The following RNPC3 variants were observed in gnomAD, a reference collection of about 807,000 sequenced individuals.
RNPC3 encodes the protein RNA binding region (RNP1, RRM) containing 3, also known as RNA-binding region-containing protein 3.
A neutral mutation model predicts 67.5 loss-of-function variants in RNPC3; 48 were observed. That is an observed-to-expected ratio of 0.71 (90% CI 0.56 to 0.90). The LOEUF is 0.90. Among genes scored for constraint, RNPC3 ranks in the 40% least tolerant of loss-of-function variants. RNPC3 has a pLI of 0.00. For synonymous variants in RNPC3, 239 were observed against 210.3 expected, an observed-to-expected ratio of 1.14 and a Z score of -1.18; for missense variants, 637 against 626.1, an observed-to-expected ratio of 1.02 and a Z score of -0.19.
intron 2 of RNPC3, among the ~76,000 whole-genome samples, chr1:103,529,589 A>G (rs1366274796): frequency 6.6e-6 from 1 of 152,166 alleles, no homozygotes; most frequent in African/African-American, 2.4e-5. Flanking sequence ...CTTTGAAAAT[A>G]AGAACATATG....
chr1:103,539,941 C>T (rs978703564), intron 7 of RNPC3, among the ~76,000 whole-genome samples: 1 of 152,146 alleles, frequency 6.6e-6, no homozygotes, highest in African/African-American at 2.4e-5. Flanking sequence ...TGGCTTACTG[C>T]ATATTCAACC....
intron 14 of RNPC3, chr1:103,552,365 A>G (rs556088369): frequency 1.3e-5 from 2 of 152,288 alleles, no homozygotes; most frequent in East Asian, 3.9e-4. Flanking sequence ...CCACAGCTTG[A>G]AAACTCCTGG....
chr1:103,533,192 A>G (rs375701180), intron 2 of RNPC3, among the ~76,000 whole-genome samples: 1 of 152,062 alleles, frequency 6.6e-6, no homozygotes, highest in Admixed American at 6.6e-5. Context: ...AACAGATAGC[A>G]TGCATATGCT....
chr1:103,533,851 A>AG lies in RNPC3; in HGVS notation c.353_354insG (p.Arg120LysfsTer3). The AG allele has an allele frequency of 6.9e-7, 1 of 1,447,068 alleles. No homozygotes were observed. The highest frequency in any genetic ancestry group is 2.5e-5 in the East Asian group (1 of 40,554). 89.6% of individuals were successfully genotyped at this position (1,447,068 alleles called of 1,614,324 possible). On this transcript the variant is annotated frameshift_variant, in exon 3 of 15. Coordinates refer to ENST00000423855, the MANE Select transcript of RNPC3 (RefSeq NM_017619.4). LOFTEE classifies it high-confidence loss of function. ...TGTCCCACTTCAGGCTCTGAAAAAAAAAAAAGGTATGTAGATCAGTAAATC... is the reference window on the plus strand; with the variant it reads ...TGTCCCACTTCAGGCTCTGAAAAAAAGAAAAAGGTATGTAGATCAGTAAATC...
chr1:103,534,912 T>A, intron 4 of RNPC3, 55 bp downstream of exon 4: 2 of 992,740 alleles, frequency 2.0e-6, no homozygotes, highest in Non-Finnish European at 2.9e-6. Flanking sequence ...TATACAGATG[T>A]ACAGATATCT....
chr1:103,542,067 T>C (rs1651135835), intron 8 of RNPC3, among the ~76,000 whole-genome samples: 1 of 152,170 alleles, frequency 6.6e-6, no homozygotes, highest in South Asian at 2.1e-4. Context: ...AGCATGCTTT[T>C]AAAGTTTAAT....
At chr1:103,549,940 G>A (rs1486748573) in intron 12 of RNPC3, among the ~76,000 whole-genome samples, 2 of 151,010 alleles carry the variant, frequency 1.3e-5, no homozygotes, top group Non-Finnish European at 3.0e-5. Flanking sequence ...AAGCGGGGGG[G>A]ATCACTTGAG....
chr1:103,543,491 G>T, intron 9 of RNPC3, 44 bp downstream of exon 9: 1 of 1,293,310 alleles, frequency 7.7e-7, no homozygotes, highest in Non-Finnish European at 1.0e-6. Context: ...TCAACTTATT[G>T]TGTTAGAATT....
chr1:103,547,105 A>G, intron 12 of RNPC3, 70 bp downstream of exon 12: 1 of 832,516 alleles, frequency 1.2e-6, no homozygotes, highest in Non-Finnish European at 1.8e-6. Context: ...CCACTATTTT[A>G]ATCCCATCAT....
chr1:103,537,422 G>C lies in RNPC3; in HGVS notation c.705G>C (p.Glu235Asp), dbSNP rs573258565. ...CTGAGGAACCTCCTTTGCCAGACGA[G>C]GATGAGGAATTATCTAGTGAAGAAT... ...QPPEEPPLPD[E>D]DEELSSEESE... is the part of the protein sequence containing the mutation. The change falls in exon 7 of 15, where the codon GAG becomes GAC. Residue 235 changes from glutamate (E) to aspartate (D), a missense_variant. Around this residue, in one of 3 missense-constraint regions of RNPC3, gnomAD observed 536 missense variants for 500.3 expected, o/e 1.07. Coordinates refer to ENST00000423855, the MANE Select transcript of RNPC3 (RefSeq NM_017619.4). The C allele has an allele frequency of 2.0e-6, 3 of 1,536,592 alleles. No homozygotes were observed. The highest frequency in any genetic ancestry group is 2.6e-6 in the Non-Finnish European group (3 of 1,146,560).
intron 9 of RNPC3, among the ~76,000 whole-genome samples, chr1:103,544,174 G>A (rs968917462): frequency 3.3e-5 from 5 of 151,808 alleles, no homozygotes; most frequent in Non-Finnish European, 4.4e-5. Flanking sequence ...ATGTGTGTGT[G>A]TTTGTGTGTG....
chr1:103,543,077 G>A (rs940083038), intron 8 of RNPC3, among the ~76,000 whole-genome samples: 1 of 151,498 alleles, frequency 6.6e-6, no homozygotes, highest in African/African-American at 2.4e-5. Context: ...GCTGAACCTC[G>A]GTCTTTTTAT....
chr1:103,539,135 T>G (rs148190386), intron 7 of RNPC3, among the ~76,000 whole-genome samples: 372 of 152,294 alleles, frequency 2.4e-3, no homozygotes, highest in African/African-American at 8.3e-3. Flanking sequence ...TGAGCTGTAG[T>G]TTGTCAACCC....
intron 14 of RNPC3, chr1:103,552,557 C>G (rs1651419897): frequency 6.6e-6 from 1 of 152,024 alleles, no homozygotes; most frequent in Non-Finnish European, 1.5e-5. Flanking sequence ...GTCCAGAGAT[C>G]AAGACCATCC....
At position 103,529,840 on chromosome 1, in the gene RNPC3, C is replaced by T. The variant is rs537148977; in HGVS notation, c.240+2098C>T. 1.5e-3 allele frequency among the ~76,000 whole-genome samples: 226 copies of T among 152,300 alleles called. No homozygotes were observed. In the Middle Eastern group the frequency reaches 0.027, roughly 18 times the overall value. ...AACCACCACCTGTTAGAACCTGGGC[C>T]GCACAGCAGGAGGTGACTGGCAGGC... On this transcript the variant is annotated intron_variant, in intron 2 of 14. Coordinates refer to ENST00000423855, the MANE Select transcript of RNPC3 (RefSeq NM_017619.4).
chr1:103,539,783 TGC>T (rs1651077609), intron 7 of RNPC3, among the ~76,000 whole-genome samples: 1 of 152,194 alleles, frequency 6.6e-6, no homozygotes, highest in African/African-American at 2.4e-5. Context: ...AAATCCAAAA[TGC>T]TTCAGACTCT....
intron 13 of RNPC3, chr1:103,551,311 T>C: frequency 2.2e-6 from 1 of 464,264 alleles, no homozygotes; most frequent in Non-Finnish European, 3.8e-6. Flanking sequence ...GTTTCACTTA[T>C]GCAGCTCAAA....
intron 1 of RNPC3, among the ~76,000 whole-genome samples, chr1:103,527,428 T>C (rs1379420019): frequency 6.6e-6 from 1 of 152,168 alleles, no homozygotes; most frequent in African/African-American, 2.4e-5. Flanking sequence ...AGAACAGGTC[T>C]TTAAACTTTT....
chr1:103,529,089 A>G (rs1387074721), intron 2 of RNPC3, among the ~76,000 whole-genome samples: 1 of 152,200 alleles, frequency 6.6e-6, no homozygotes, highest in African/African-American at 2.4e-5. Flanking sequence ...GAAACATTAT[A>G]TATGATGTAA....
Sources: gnomAD v4.1 joint callset for allele counts (sites outside exome capture counted in the v4.1 genomes callset) on GRCh38, gnomAD v4.1.1 for gene constraint, gnomAD v4.1.1 regional missense constraint, MANE v1.5 for transcripts, NCBI Gene and HGNC (gene_info 2026-07-23, HGNC 2026-07-21) for gene names.